Variants in DNM3 observed in about 807,000 individuals in gnomAD.
The protein encoded by DNM3 is dynamin-3.
In DNM3, 47 loss-of-function variants were observed where a neutral mutation model predicts 101.6. The ratio of observed to expected loss-of-function variants is 0.46; its 90% CI spans 0.37 to 0.59. The LOEUF is 0.59. Ranked by LOEUF, DNM3 falls within the 20% of genes least tolerant of loss-of-function variation. The probability of loss-of-function intolerance (pLI) is 0.00; values close to 1 mark genes in which losing one functional copy is unlikely to be tolerated. For missense variants in DNM3, 849 were observed against 1,085.7 expected (o/e 0.78, Z 3.06); for synonymous variants, 385 against 387.9 (o/e 0.99, Z 0.09).
chr1:172,379,267 A>G, intron 18 of DNM3, 85 bp downstream of exon 18: 1 of 1,157,248 alleles, frequency 8.6e-7, no homozygotes, highest in East Asian at 2.6e-5. Flanking sequence ...TTCTTTGTGT[A>G]TTTTCTGGAT....
Position 172,336,045 on chromosome 1 carries a change from C to A in DNM3, c.1893+12705C>A, listed in dbSNP as rs538051266. On this transcript the variant is annotated intron_variant, in intron 17 of 20. Coordinates refer to ENST00000627582, the MANE Select transcript of DNM3 (RefSeq NM_015569.5). ...CATTTTAGCTTGAATTTAGCAATGTCTAAAGACATATTTGATTGTCACAGC... is the reference window on the plus strand; with the variant it reads ...CATTTTAGCTTGAATTTAGCAATGTATAAAGACATATTTGATTGTCACAGC... Among the ~76,000 whole-genome samples, 13 of 152,132 alleles carry A rather than the reference C, an allele frequency of 8.5e-5. No individual in the cohort carries two copies. The South Asian group carries it at 2.7e-3, about 32-fold the overall frequency.
rs959079944 is a variant in DNM3 at position 172,063,287 on chromosome 1, G to A, written c.1336-5532G>A. Among the ~76,000 whole-genome samples, 24 of 152,058 alleles carry A rather than the reference G, an allele frequency of 1.6e-4. No homozygotes were observed. The East Asian group carries it at 2.9e-3, about 18-fold the overall frequency. ...TTTGAGAAAAATGTACTAGCATAGCGTAGATCTTATGGTCTGATAAACTGT... is the reference window on the plus strand; with the variant it reads ...TTTGAGAAAAATGTACTAGCATAGCATAGATCTTATGGTCTGATAAACTGT... On this transcript the variant is annotated intron_variant, in intron 10 of 20. Coordinates refer to ENST00000627582, the MANE Select transcript of DNM3 (RefSeq NM_015569.5).
chr1:172,321,512 C>T (rs929632775), intron 16 of DNM3, among the ~76,000 whole-genome samples: 1 of 152,270 alleles, frequency 6.6e-6, no homozygotes, highest in South Asian at 2.1e-4. Context: ...CCATTCATGA[C>T]TGTTACGCCT....
intron 14 of DNM3, among the ~76,000 whole-genome samples, chr1:172,243,113 A>T (rs2061811061): frequency 1.3e-5 from 2 of 152,114 alleles, no homozygotes; most frequent in South Asian, 2.1e-4. Context: ...CTTTAGTCAT[A>T]AGTCCTTTAA....
intron 2 of DNM3, among the ~76,000 whole-genome samples, chr1:171,953,583 A>G (rs1243150614): frequency 6.6e-6 from 1 of 151,832 alleles, no homozygotes; most frequent in Non-Finnish European, 1.5e-5. Context: ...ACATGCCATG[A>G]TGCTTGGCTA....
At chr1:172,354,693 A>C (rs534515507) in intron 17 of DNM3, among the ~76,000 whole-genome samples, 4 of 152,130 alleles carry the variant, frequency 2.6e-5, no homozygotes, top group Non-Finnish European at 5.9e-5. Flanking sequence ...ACACAGGAGG[A>C]TGAGAAATTC....
intron 14 of DNM3, among the ~76,000 whole-genome samples, chr1:172,227,757 A>T (rs1264946808): frequency 6.6e-6 from 1 of 151,968 alleles, no homozygotes; most frequent in African/African-American, 2.4e-5. Flanking sequence ...ATATATTTTG[A>T]ATTTTGATGT....
intron 15 of DNM3, among the ~76,000 whole-genome samples, chr1:172,259,007 A>G (rs1294523194): frequency 1.3e-5 from 2 of 151,418 alleles, no homozygotes; most frequent in East Asian, 1.9e-4. Context: ...TCTTGACTCA[A>G]TTGTGATTCA....
At chr1:172,395,677 G>A in intron 20 of DNM3, among the ~76,000 whole-genome samples, 1 of 152,334 alleles carries the variant, frequency 6.6e-6, no homozygotes, top group South Asian at 2.1e-4. Context: ...TGCTCAAAGG[G>A]AGAATTTTAA....
At chr1:171,953,601 G>C (rs2042670553) in intron 2 of DNM3, among the ~76,000 whole-genome samples, 1 of 151,394 alleles carries the variant, frequency 6.6e-6, no homozygotes, top group South Asian at 2.1e-4. Context: ...CTAATTTTTT[G>C]TATTTTTAGT....
chr1:171,931,357 G>A (rs1269483825), intron 2 of DNM3, among the ~76,000 whole-genome samples: 4 of 152,110 alleles, frequency 2.6e-5, no homozygotes, highest in African/African-American at 9.7e-5. Flanking sequence ...TCAAAGGACA[G>A]GCTCAAGTCC....
chr1:172,033,560 T>A (rs1409329416), intron 6 of DNM3, among the ~76,000 whole-genome samples: 2 of 152,172 alleles, frequency 1.3e-5, no homozygotes, highest in Non-Finnish European at 2.9e-5. Flanking sequence ...TAATATGTAG[T>A]TATCTTGAGA....
At chr1:172,030,751 A>C (rs1455173228) in intron 4 of DNM3, among the ~76,000 whole-genome samples, 2 of 152,272 alleles carry the variant, frequency 1.3e-5, no homozygotes, top group African/African-American at 4.8e-5. Context: ...GGTTATGAAC[A>C]GACACTTCTC....
In DNM3 at chr1:171,841,504, A is replaced by AAGCGGCGGGCT. The variant is rs1409629713; in HGVS notation, c.-152_-142dup. The AAGCGGCGGGCT allele has an allele frequency of 8.1e-6, 9 of 1,113,342 alleles. No homozygotes were observed. The highest frequency in any genetic ancestry group is 9.7e-6 in the Non-Finnish European group (8 of 825,884). 69.0% of individuals were successfully genotyped at this position (1,113,342 alleles called of 1,614,324 possible). A position where few individuals can be genotyped will look rare whatever the true frequency, so the allele number is the denominator to read the frequency against. On this transcript the variant is annotated 5_prime_UTR_variant, in exon 1 of 21. Coordinates refer to ENST00000627582, the MANE Select transcript of DNM3 (RefSeq NM_015569.5). The stretch of plus-strand genomic sequence containing the variant: ...CTGCGGGTCGTTAGCTGTCAGAGCC[A>AAGCGGCGGGCT]AGCGGCGGGCTGGCGGCGGGCTCCG...
chr1:172,338,435 T>C (rs1573522895), intron 17 of DNM3, among the ~76,000 whole-genome samples: 1 of 152,218 alleles, frequency 6.6e-6, no homozygotes, highest in South Asian at 2.1e-4. Flanking sequence ...AGTCTGGGTT[T>C]ACCAGAAATT....
At chr1:172,241,348 A>G (rs1202526400) in intron 14 of DNM3, among the ~76,000 whole-genome samples, 3 of 151,988 alleles carry the variant, frequency 2.0e-5, no homozygotes, top group Non-Finnish European at 4.4e-5. Context: ...TGGCATACAT[A>G]CATATTAATA....
chr1:171,886,646 A>T (rs954552204), intron 1 of DNM3, among the ~76,000 whole-genome samples: 3 of 152,176 alleles, frequency 2.0e-5, no homozygotes, highest in Admixed American at 6.5e-5. Context: ...GTAATAGAAG[A>T]GTGAGAATCA....
chr1:172,309,105 G>T (rs1260622461), intron 16 of DNM3: 2 of 356,966 alleles, frequency 5.6e-6, no homozygotes, highest in Admixed American at 9.3e-5. Flanking sequence ...CTCAGCTCAA[G>T]ACAAAGTTTG....
In DNM3 at chr1:172,298,918, AG is replaced by A. The variant is rs1221899965; in HGVS notation, c.1770-9809del. On this transcript the variant is annotated intron_variant, in intron 15 of 20. Transcript: ENST00000627582. ...GAAAGGAAAAGAAAGAAGGATAAAA[AG>A]AAAAACAGATGCATAATTCTGAAAT... Among the ~76,000 whole-genome samples, 3 of 152,158 alleles carry A rather than the reference AG, an allele frequency of 2.0e-5. No homozygotes were observed. The East Asian group carries it at 5.8e-4, about 29-fold the overall frequency.
Sources: gnomAD v4.1 joint callset for allele counts (sites outside exome capture counted in the v4.1 genomes callset) on GRCh38, gnomAD v4.1.1 for gene constraint, MANE v1.5 for transcripts, NCBI Gene and HGNC (gene_info 2026-07-23, HGNC 2026-07-21) for gene names.